Variants in KCNN2 observed in about 807,000 individuals in gnomAD.
KCNN2 encodes potassium calcium-activated channel subfamily N member 2.
In KCNN2, 24 loss-of-function variants were observed where a neutral mutation model predicts 55.5. The ratio of observed to expected loss-of-function variants is 0.43; its 90% CI spans 0.31 to 0.61. The LOEUF (loss-of-function observed/expected upper bound fraction) is 0.61, where lower values mean the gene tolerates loss of function less well. KCNN2 is among the 20% of genes least tolerant of loss of function. The probability of loss-of-function intolerance (pLI) is 0.08; values close to 1 mark genes in which losing one functional copy is unlikely to be tolerated. For missense variants in KCNN2, 754 were observed against 853.6 expected (o/e 0.88, Z 1.45); for synonymous variants, 431 against 336.1 (o/e 1.28, Z -3.09).
intron 1 of KCNN2, among the ~76,000 whole-genome samples, chr5:114,128,170 GTAT>G (rs1385293230): frequency 6.6e-6 from 1 of 152,086 alleles, no homozygotes; most frequent in Non-Finnish European, 1.5e-5. Context: ...CCAATTTACT[GTAT>G]TATTCTGTTC....
At chr5:114,377,246 G>A (rs1377159179) in intron 2 of KCNN2, among the ~76,000 whole-genome samples, 2 of 151,956 alleles carry the variant, frequency 1.3e-5, no homozygotes, top group Admixed American at 6.6e-5. Context: ...TTTCATTTAG[G>A]AATATTCCTG....
chr5:114,080,610 A>C (rs549549949), intron 1 of KCNN2, among the ~76,000 whole-genome samples: 59 of 152,316 alleles, frequency 3.9e-4, no homozygotes, highest in African/African-American at 1.4e-3. Context: ...TGATTTAGAA[A>C]AAGCATTTAA....
intron 1 of KCNN2, among the ~76,000 whole-genome samples, chr5:114,079,477 G>A (rs1195397316): frequency 6.6e-6 from 1 of 152,116 alleles, no homozygotes; most frequent in Non-Finnish European, 1.5e-5. Flanking sequence ...GGCAGACCTA[G>A]GCTCAAATGC....
At chr5:114,279,496 T>A (rs561983186) in intron 2 of KCNN2, among the ~76,000 whole-genome samples, 51 of 152,186 alleles carry the variant, frequency 3.4e-4, no homozygotes, top group African/African-American at 1.2e-3. Context: ...TTCCCCACCG[T>A]GTTTCCAAGT....
intron 1 of KCNN2, among the ~76,000 whole-genome samples, chr5:114,180,023 T>C (rs1002696456): frequency 1.3e-5 from 2 of 152,232 alleles, no homozygotes; most frequent in Non-Finnish European, 2.9e-5. Context: ...ACATGACTTC[T>C]ATAGGTCAAG....
At chr5:114,469,769 C>G (rs946946152) in intron 4 of KCNN2, among the ~76,000 whole-genome samples, 2 of 152,110 alleles carry the variant, frequency 1.3e-5, no homozygotes, top group African/African-American at 2.4e-5. Context: ...TACCTTGAAC[C>G]TAGAAAGCTT....
At chr5:114,378,161 G>A (rs761658037) in intron 2 of KCNN2, among the ~76,000 whole-genome samples, 4 of 151,762 alleles carry the variant, frequency 2.6e-5, no homozygotes, top group East Asian at 1.9e-4. Flanking sequence ...CAAATCTGGC[G>A]TATGTGTTTA....
rs768132413 is a variant in KCNN2, at chr5:114,362,794, A to C, written c.655A>C (p.Asn219His). 6.3e-7 allele frequency: 1 copy of C among 1,595,496 alleles called. No individual in the cohort carries two copies. The highest frequency in any genetic ancestry group is 1.1e-5 in the South Asian group (1 of 90,216). ...TEIAMSSCRYNGGVMRPLSNL... is the reference protein window; with the variant it reads ...TEIAMSSCRYHGGVMRPLSNL... ...AATAGCCATGAGCAGCTGCAGGTAC[A>C]ACGGGGGCGTCATGCGGCCGCTCAG... The change falls in exon 1 of 8, where the codon AAC becomes CAC. Residue 219 changes from asparagine to histidine, a missense_variant. Asn to His is a moderately conservative substitution (Grantham distance 68, BLOSUM62 1). This residue lies in a region of KCNN2 where 381 missense variants were observed against 259.1 expected (regional missense o/e 1.47). Coordinates refer to ENST00000673685, the MANE Select transcript of KCNN2 (RefSeq NM_021614.4).
intron 2 of KCNN2, among the ~76,000 whole-genome samples, chr5:114,286,389 A>C (rs1345764038): frequency 6.6e-6 from 1 of 152,216 alleles, no homozygotes; most frequent in African/African-American, 2.4e-5. Context: ...CTGAATTTCA[A>C]GAATAAATAT....
intron 4 of KCNN2, among the ~76,000 whole-genome samples, chr5:114,468,207 A>T (rs1470652236): frequency 6.6e-6 from 1 of 152,202 alleles, no homozygotes; most frequent in African/African-American, 2.4e-5. Flanking sequence ...TATTTTCATG[A>T]CCTGAGGAAA....
chr5:114,075,268 A>C (rs2112531657), intron 1 of KCNN2, among the ~76,000 whole-genome samples: 1 of 152,374 alleles, frequency 6.6e-6, no homozygotes, highest in South Asian at 2.1e-4. Context: ...GGAACAGCAC[A>C]GAAGGTTGGG....
intron 3 of KCNN2, among the ~76,000 whole-genome samples, chr5:114,406,213 T>C (rs1758929329): frequency 6.6e-6 from 1 of 151,936 alleles, no homozygotes; most frequent in Non-Finnish European, 1.5e-5. Flanking sequence ...CTGCTTTTTA[T>C]AGTTTTGTAT....
chr5:114,259,879 A>T (rs968430066), intron 2 of KCNN2, among the ~76,000 whole-genome samples: 6 of 152,102 alleles, frequency 3.9e-5, no homozygotes, highest in African/African-American at 1.4e-4. Flanking sequence ...TCAACTTATG[A>T]TTATTCACTG....
At chr5:114,419,034 T>A (rs1463821819) in intron 3 of KCNN2, among the ~76,000 whole-genome samples, 1 of 152,268 alleles carries the variant, frequency 6.6e-6, no homozygotes, top group East Asian at 1.9e-4. Flanking sequence ...TAGCTCTTTA[T>A]CCAGTTTTAG....
intron 3 of KCNN2, among the ~76,000 whole-genome samples, chr5:114,415,576 T>G (rs770410081): frequency 6.6e-6 from 1 of 152,218 alleles, no homozygotes; most frequent in African/African-American, 2.4e-5. Flanking sequence ...TATAGTCTTA[T>G]AACCATTCTA....
chr5:114,387,689 G>T (rs1758326628), intron 2 of KCNN2, among the ~76,000 whole-genome samples: 1 of 152,094 alleles, frequency 6.6e-6, no homozygotes, highest in African/African-American at 2.4e-5. Flanking sequence ...ATTGGTTTCA[G>T]CTCCAATAGA....
intron 2 of KCNN2, among the ~76,000 whole-genome samples, chr5:114,314,880 A>T (rs62382912): frequency 0.14 from 21,131 of 152,098 alleles, 2,013 homozygotes; most frequent in Non-Finnish European, 0.19. Context: ...GCTCTTGAGG[A>T]CCCTCTAAAC....
At chr5:114,475,371 C>T (rs1293632395) in intron 5 of KCNN2, among the ~76,000 whole-genome samples, 1 of 151,880 alleles carries the variant, frequency 6.6e-6, no homozygotes, top group African/African-American at 2.4e-5. Flanking sequence ...AGCACTACCC[C>T]CAACTTGTGA....
At chr5:114,312,432 CACATATATATATATATATATATATATAT>C (rs1309266354) in intron 2 of KCNN2, among the ~76,000 whole-genome samples, 252 of 19,284 alleles carry the variant, frequency 0.013, 1 homozygote, top group African/African-American at 0.041. Flanking sequence ...CACACACACA[CACATATATATATATATATATATATATAT>C]ATATATATAT....
Sources: allele counts gnomAD v4.1 joint callset (sites outside exome capture counted in the v4.1 genomes callset), GRCh38; gene constraint gnomAD v4.1.1; regional missense constraint gnomAD v4.1.1; transcripts MANE v1.5; gene names NCBI Gene and HGNC (gene_info 2026-07-23, HGNC 2026-07-21).